The following CYP2C8 variants were observed in gnomAD, a reference collection of about 807,000 sequenced individuals.
CYP2C8 encodes cytochrome P450 family 2 subfamily C member 8.
CYP2C8 carries 51 observed loss-of-function variants against 41.3 expected under a neutral mutation model. The observed-to-expected ratio is 1.24, with a 90% CI of 0.99 to 1.56. The LOEUF (loss-of-function observed/expected upper bound fraction) is 1.56, where lower values mean the gene tolerates loss of function less well. Among genes scored for constraint, CYP2C8 ranks in the 40% most tolerant of loss-of-function variants. The probability of loss-of-function intolerance (pLI) is 0.00; values close to 1 mark genes in which losing one functional copy is unlikely to be tolerated. For missense variants in CYP2C8, 651 were observed against 579.9 expected (o/e 1.12, Z -1.26); for synonymous variants, 218 against 205.8 (o/e 1.06, Z -0.51).
chr10:95,062,825 G>A (rs912712953), intron 4 of CYP2C8, among the ~76,000 whole-genome samples: 5 of 152,138 alleles, frequency 3.3e-5, no homozygotes, highest in Admixed American at 6.5e-5. Context: ...CTCTTTTAGG[G>A]CAGGCCTGGT....
chr10:95,054,275 A>G (rs1389950750), intron 5 of CYP2C8, among the ~76,000 whole-genome samples: 1 of 152,120 alleles, frequency 6.6e-6, no homozygotes, highest in Non-Finnish European at 1.5e-5. Flanking sequence ...TCAATGTAAT[A>G]CACCACCATA....
chr10:95,044,638 TCA>T (rs2033072062), intron 6 of CYP2C8, among the ~76,000 whole-genome samples: 1 of 152,030 alleles, frequency 6.6e-6, no homozygotes, highest in Non-Finnish European at 1.5e-5. Flanking sequence ...TCTTCACATC[TCA>T]CAGTTTCCTG....
intron 5 of CYP2C8, among the ~76,000 whole-genome samples, chr10:95,052,763 T>TA (rs952917278): frequency 1.1e-4 from 17 of 151,432 alleles, no homozygotes; most frequent in Middle Eastern, 3.2e-3. Context: ...GTAAAAGCCC[T>TA]AAAAAAAACA....
chr10:95,069,152 T>C, intron 1 of CYP2C8, 83 bp downstream of exon 1: 1 of 1,447,252 alleles, frequency 6.9e-7, no homozygotes, highest in Non-Finnish European at 9.7e-7. Context: ...AATAGTGTGC[T>C]TCCAGGAATA....
At position 95,067,692 on chromosome 10, in the gene CYP2C8, C is replaced by A. The variant is rs769016577; in HGVS notation, c.169-1G>T. ...ACACAGGACCATAGACTTTTGAGAA[C>A]TGGGAAAGGAAATGCAAATAGCAGC... is the stretch of plus-strand genomic sequence containing the variant. On this transcript the variant is annotated splice_acceptor_variant, in intron 1 of 8. Coordinates refer to ENST00000371270, the MANE Select transcript of CYP2C8 (RefSeq NM_000770.3). LOFTEE classifies it high-confidence loss of function. 4 of 1,613,978 alleles carry A rather than the reference C, an allele frequency of 2.5e-6. No homozygotes were observed. In the African/African-American group the frequency reaches 5.3e-5, roughly 22 times the overall value.
At chr10:95,063,646 G>A (rs1453356743) in intron 4 of CYP2C8, among the ~76,000 whole-genome samples, 2 of 152,218 alleles carry the variant, frequency 1.3e-5, no homozygotes, top group Non-Finnish European at 2.9e-5. Context: ...GCTCGTCAAA[G>A]TCATTCCCCA....
chr10:95,040,160 G>A (rs2032965591), intron 7 of CYP2C8, among the ~76,000 whole-genome samples: 1 of 152,128 alleles, frequency 6.6e-6, no homozygotes, highest in Admixed American at 6.5e-5. Flanking sequence ...ATTATTATTT[G>A]AACAATAGCT....
Position 95,037,229 on chromosome 10 carries a change from G to A in CYP2C8, c.1372C>T (p.Leu458=). Residue 458 remains leucine (L), a synonymous_variant, in exon 9 of 9, where the codon CTG becomes TTG. Transcript: ENST00000371270. ...TTCTTTAAATCATCAACAGATTTCAGGTTAAAGTTCTGTAAAATTGTGGTT... is the reference window on the plus strand; with the variant it reads ...TTCTTTAAATCATCAACAGATTTCAAGTTAAAGTTCTGTAAAATTGTGGTT... The part of the protein sequence containing the change: ...FLTTILQNFN[L]KSVDDLKNLN... The A allele has an allele frequency of 6.2e-7, 1 of 1,613,794 alleles. No individual in the cohort carries two copies. The highest frequency in any genetic ancestry group is 1.1e-5 in the South Asian group (1 of 91,056).
chr10:95,039,240 T>C, intron 7 of CYP2C8: 1 of 574,840 alleles, frequency 1.7e-6, no homozygotes, highest in Non-Finnish European at 3.1e-6. Context: ...AAGTCTTACA[T>C]CTTGGATACT....
Position 95,058,477 on chromosome 10 carries a change from A to T in CYP2C8, c.677T>A (p.Phe226Tyr). The T allele has an allele frequency of 6.2e-7, 1 of 1,613,236 alleles. No individual in the cohort carries two copies. Among genetic ancestry groups the T allele is most frequent in the Non-Finnish European group, 8.5e-7 (1 of 1,179,544 alleles). ...AAGCACTTTGTTGTGAGTTCCTGGG[A>T]AACAATCAATGAGTAGAGGGAAATT... ...CNNFPLLIDCFPGTHNKVLKN... is the reference protein window; with the variant it reads ...CNNFPLLIDCYPGTHNKVLKN... The change falls in exon 5 of 9, where the codon TTC becomes TAC. Residue 226 changes from phenylalanine (F) to tyrosine (Y), a missense_variant. By Grantham distance (22) the Phe-to-Tyr change is conservative. Transcript: ENST00000371270.
In CYP2C8 at chr10:95,039,054, C is replaced by T. The variant is rs1031536188; in HGVS notation, c.1150-16G>A. The T allele has an allele frequency of 6.2e-7, 1 of 1,611,210 alleles. No homozygotes were observed. The highest frequency in any genetic ancestry group is 2.2e-5 in the East Asian group (1 of 44,862). On this transcript the variant is annotated splice_polypyrimidine_tract_variant and intron_variant, in intron 7 of 8. Coordinates refer to ENST00000371270, the MANE Select transcript of CYP2C8 (RefSeq NM_000770.3). The stretch of plus-strand genomic sequence containing the variant: ...TGGTTGTGCCCTGGAAGTAACAAAA[C>T]AGATAATCTGATTTATAAAGAAGTC...
Position 95,037,192 on chromosome 10 carries a change from G to T in CYP2C8, c.1409C>A (p.Thr470Asn). 6.2e-7 allele frequency: 1 copy of T among 1,613,950 alleles called. No individual in the cohort carries two copies. Among genetic ancestry groups the T allele is most frequent in the Non-Finnish European group, 8.5e-7 (1 of 1,179,858 alleles). Residue 470 changes from threonine to asparagine, a missense_variant, in exon 9 of 9, where the codon ACT becomes AAT. Physicochemically the swap from Thr to Asn is moderately conservative, Grantham distance 65. Coordinates refer to ENST00000371270, the MANE Select transcript of CYP2C8 (RefSeq NM_000770.3). The part of the protein sequence containing the change: ...SVDDLKNLNT[T>N]AVTKGIVSLP... Reference sequence around the variant, plus strand: ...AGAAACAATCCCTTTGGTAACTGCAGTAGTATTGAGGTTCTTTAAATCATC... The same window carrying T: ...AGAAACAATCCCTTTGGTAACTGCATTAGTATTGAGGTTCTTTAAATCATC...
At chr10:95,063,931 C>T (rs1327391480) in intron 4 of CYP2C8, among the ~76,000 whole-genome samples, 2 of 152,222 alleles carry the variant, frequency 1.3e-5, no homozygotes, top group Admixed American at 6.5e-5. Flanking sequence ...GCAGCAGAGG[C>T]TGCAGAACAG....
intron 4 of CYP2C8, among the ~76,000 whole-genome samples, chr10:95,063,903 C>T (rs976770168): frequency 6.6e-6 from 1 of 152,208 alleles, no homozygotes; most frequent in Non-Finnish European, 1.5e-5. Context: ...ACTCCAGACC[C>T]TGTTTGCCTG....
intron 4 of CYP2C8, among the ~76,000 whole-genome samples, chr10:95,059,875 T>A (rs1007001247): frequency 1.6e-4 from 25 of 152,224 alleles, no homozygotes; most frequent in Non-Finnish European, 2.4e-4. Context: ...TAGCCAGTTT[T>A]CCCAGCAACA....
intron 5 of CYP2C8, 38 bp downstream of exon 5, chr10:95,058,297 C>T (rs2033349790): frequency 6.2e-7 from 1 of 1,610,644 alleles, no homozygotes; most frequent in Non-Finnish European, 8.5e-7. Context: ...ACAAAATGGA[C>T]AAGAAATCAA....
rs766722481 is a variant in CYP2C8, at chr10:95,038,979, A to G, written c.1209T>C (p.Asn403=). 10 of 1,613,628 alleles carry G rather than the reference A, an allele frequency of 6.2e-6. No homozygotes were observed. The Admixed American group carries it at 1.5e-4, about 24-fold the overall frequency. Residue 403 remains asparagine (N), a synonymous_variant, in exon 8 of 9, where the codon AAT becomes AAC. Coordinates refer to ENST00000371270, the MANE Select transcript of CYP2C8 (RefSeq NM_000770.3). ...AGTGGCCAGGGTCAAAGATATTTGG[A>G]TTAGGAAATTCTTTGTCATCATGTA... ...SVLHDDKEFP[N]PNIFDPGHFL...
At chr10:95,063,121 A>T (rs1168556145) in intron 4 of CYP2C8, among the ~76,000 whole-genome samples, 1 of 151,970 alleles carries the variant, frequency 6.6e-6, no homozygotes, top group African/African-American at 2.4e-5. Context: ...TGTGTCTTGG[A>T]GTTGCTCTTC....
chr10:95,060,150 C>T (rs1490063173), intron 4 of CYP2C8, among the ~76,000 whole-genome samples: 1 of 149,912 alleles, frequency 6.7e-6, no homozygotes, highest in Non-Finnish European at 1.5e-5. Context: ...TCCATATGAA[C>T]TTTAAAGTAG....
Sources: allele counts gnomAD v4.1 joint callset (sites outside exome capture counted in the v4.1 genomes callset), GRCh38; gene constraint gnomAD v4.1.1; transcripts MANE v1.5; gene names NCBI Gene and HGNC (gene_info 2026-07-23, HGNC 2026-07-21).